ARG1: variants seen among roughly 807,000 people sequenced by gnomAD.
The protein encoded by ARG1 is arginase 1, also known as arginase-1.
Under a neutral mutation model 33.0 loss-of-function variants are expected in ARG1, and 20 were observed. The observed-to-expected ratio is 0.61, with a 90% confidence interval of 0.43 to 0.88. The LOEUF is 0.88. Ranked by LOEUF, ARG1 falls within the 40% of genes least tolerant of loss-of-function variation. The pLI is 0.00. For missense variants in ARG1, 374 were observed against 384.7 expected, an observed-to-expected ratio of 0.97 and a Z score of 0.23; for synonymous variants, 146 against 140.6, an observed-to-expected ratio of 1.04 and a Z score of -0.27.
intron 3 of ARG1, 104 bp downstream of exon 3, chr6:131,579,389 A>G (rs1773800412): frequency 7.6e-7 from 1 of 1,311,484 alleles, no homozygotes; most frequent in Non-Finnish European, 1.0e-6. Context: ...GCATTGACCT[A>G]TATTTTATAT....
chr6:131,574,316 G>T lies in ARG1; in HGVS notation c.57+977G>T, dbSNP rs372616951. 308 of 1,613,856 alleles carry T rather than the reference G, an allele frequency of 1.9e-4. No homozygotes were observed. The Middle Eastern group carries it at 3.5e-3, about 18-fold the overall frequency. On this transcript the variant is annotated intron_variant, in intron 1 of 7. Coordinates refer to ENST00000368087, the MANE Select transcript of ARG1 (RefSeq NM_000045.4). ...TTTTACTGCAAAACAAATTGAGAGAGGCCAGAGGTTAGAGGCCCAAACTGC... is the reference window on the plus strand; with the variant it reads ...TTTTACTGCAAAACAAATTGAGAGATGCCAGAGGTTAGAGGCCCAAACTGC...
chr6:131,583,793 C>T lies in ARG1; in HGVS notation c.854C>T (p.Thr285Ile). 6.2e-7 allele frequency: 1 copy of T among 1,614,078 alleles called. No individual in the cohort carries two copies. Among genetic ancestry groups the T allele is most frequent in the Non-Finnish European group, 8.5e-7 (1 of 1,179,982 alleles). ...IMEVNPSLGK[T>I]PEEVTRTVNT... is the part of the protein sequence containing the mutation. ...GAAGTGAACCCATCCCTGGGGAAGACACCAGAAGAAGTAACTCGAACAGTG... is the reference window on the plus strand; with the variant it reads ...GAAGTGAACCCATCCCTGGGGAAGATACCAGAAGAAGTAACTCGAACAGTG... Residue 285 changes from threonine to isoleucine, a missense_variant, in exon 8 of 8, where the codon ACA becomes ATA. Thr to Ile is a moderately conservative substitution (Grantham distance 89). Coordinates refer to ENST00000368087, the MANE Select transcript of ARG1 (RefSeq NM_000045.4).
At chr6:131,580,275 G>A (rs1483046196) in intron 3 of ARG1, among the ~76,000 whole-genome samples, 1 of 152,130 alleles carries the variant, frequency 6.6e-6, no homozygotes, top group African/African-American at 2.4e-5. Context: ...GGAAACTGAG[G>A]CTCGCTTTCT....
In ARG1 at chr6:131,576,370, G is replaced by A. The variant is rs73778020; in HGVS notation, c.58-293G>A. On this transcript the variant is annotated intron_variant, in intron 1 of 7. Coordinates refer to ENST00000368087, the MANE Select transcript of ARG1 (RefSeq NM_000045.4). Reference sequence around the variant, plus strand: ...ACATGGTTTGACGGGAAGAGGGGATGTAGGTTTTGGAATCCAAAGACCTGA... The same window carrying A: ...ACATGGTTTGACGGGAAGAGGGGATATAGGTTTTGGAATCCAAAGACCTGA... Among the ~76,000 whole-genome samples the A allele has an allele frequency of 7.1e-3, 1,080 of 152,324 alleles. 13 individuals carry two copies. The highest frequency in any genetic ancestry group is 0.025 in the African/African-American group (1,031 of 41,566).
Position 131,584,034 on chromosome 6 carries a change from A to T in ARG1, c.*126A>T. 3.8e-6 allele frequency: 4 copies of T among 1,056,714 alleles called. No individual in the cohort carries two copies. The highest frequency in any genetic ancestry group is 5.4e-6 in the Non-Finnish European group (4 of 742,322). 65.5% of individuals were successfully genotyped at this position (1,056,714 alleles called of 1,614,324 possible). ...AGAAAAATGTTTTTCCAATTAGTAT[A>T]AACTCTACAAATTCCCTCTTGGTGT... On this transcript the variant is annotated 3_prime_UTR_variant, in exon 8 of 8. Transcript: ENST00000368087.
intron 6 of ARG1, 59 bp downstream of exon 6, chr6:131,583,223 A>T: frequency 5.0e-6 from 8 of 1,599,150 alleles, no homozygotes; most frequent in Non-Finnish European, 6.9e-6. Context: ...GCTACTGACA[A>T]CCAAAGTTAT....
rs778360659 is a variant in ARG1, at chr6:131,583,822, A to G, written c.883A>G (p.Thr295Ala). 2 of 1,614,176 alleles carry G rather than the reference A, an allele frequency of 1.2e-6. No homozygotes were observed. The highest frequency in any genetic ancestry group is 2.2e-5 in the East Asian group (1 of 44,864). Reference sequence around the variant, plus strand: ...AGAAGAAGTAACTCGAACAGTGAACACAGCAGTTGCAATAACCTTGGCTTG... The same window carrying G: ...AGAAGAAGTAACTCGAACAGTGAACGCAGCAGTTGCAATAACCTTGGCTTG... ...TPEEVTRTVN[T>A]AVAITLACFG... The change falls in exon 8 of 8, where the codon ACA becomes GCA. Residue 295 changes from threonine (T) to alanine (A), a missense_variant. Physicochemically the swap from Thr to Ala is moderately conservative, Grantham distance 58 (BLOSUM62 0). Coordinates refer to ENST00000368087, the MANE Select transcript of ARG1 (RefSeq NM_000045.4).
rs760628925 is a variant in ARG1, at chr6:131,583,867, G to T, written c.928G>T (p.Gly310Cys). Reference sequence around the variant, plus strand: ...GGCTTGTTTCGGACTTGCTCGGGAGGGTAATCACAAGCCTATTGACTACCT... The same window carrying T: ...GGCTTGTTTCGGACTTGCTCGGGAGTGTAATCACAAGCCTATTGACTACCT... ...TLACFGLARE[G>C]NHKPIDYLNP... Residue 310 changes from glycine (G) to cysteine (C), a missense_variant, in exon 8 of 8, where the codon GGT becomes TGT. Coordinates refer to ENST00000368087, the MANE Select transcript of ARG1 (RefSeq NM_000045.4). 3.5e-5 allele frequency: 56 copies of T among 1,613,968 alleles called. No individual in the cohort carries two copies. In the South Asian group the frequency reaches 5.4e-4, roughly 16 times the overall value.
At chr6:131,576,144 G>C (rs1454011366) in intron 1 of ARG1, among the ~76,000 whole-genome samples, 9 of 152,138 alleles carry the variant, frequency 5.9e-5, no homozygotes, top group Non-Finnish European at 8.8e-5. Context: ...GACACACCCT[G>C]TCCCCAACAG....
In ARG1 at chr6:131,574,346, G is replaced by A. The variant is rs377253372; in HGVS notation, c.57+1007G>A. ...GAGGTTAGAGGCCCAAACTGCATTT[G>A]GACTGTCAGTAAATACTACTTTGCT... On this transcript the variant is annotated intron_variant, in intron 1 of 7. Coordinates refer to ENST00000368087, the MANE Select transcript of ARG1 (RefSeq NM_000045.4). The A allele has an allele frequency of 4.3e-6, 7 of 1,609,752 alleles. No homozygotes were observed. In the African/African-American group the frequency reaches 9.4e-5, roughly 22 times the overall value.
At position 131,583,862 on chromosome 6, in the gene ARG1, G is replaced by A. The variant is rs377280518; in HGVS notation, c.923G>A (p.Arg308Gln). The change falls in exon 8 of 8, where the codon CGG (arginine) becomes CAG (glutamine). Residue 308 changes from arginine to glutamine, a missense_variant. Arg to Gln is a conservative substitution (Grantham distance 43). Coordinates refer to ENST00000368087, the MANE Select transcript of ARG1 (RefSeq NM_000045.4). ...ACCTTGGCTTGTTTCGGACTTGCTC[G>A]GGAGGGTAATCACAAGCCTATTGAC... ...AITLACFGLA[R>Q]EGNHKPIDYL... The A allele has an allele frequency of 8.7e-6, 14 of 1,613,980 alleles. No homozygotes were observed. The highest frequency in any genetic ancestry group is 8.0e-5 in the African/African-American group (6 of 74,916).
At position 131,583,358 on chromosome 6, in the gene ARG1, GA is replaced by G. The variant is rs1464239857; in HGVS notation, c.673del (p.Arg225GlyfsTer5). On this transcript the variant is annotated frameshift_variant, in exon 7 of 8. Transcript: ENST00000368087. LOFTEE classifies it high-confidence loss of function. The stretch of plus-strand genomic sequence containing the variant: ...ATCCTTTCCCACTTCTTAAAAGAAA[GA>G]AAAGGCCAATTCATCTAAGTTTTGA... ...ETLSYLLGRK[K>X]RPIHLSFDVD... 1 of 1,614,120 alleles carries G rather than the reference GA, an allele frequency of 6.2e-7. No individual in the cohort carries two copies. Among genetic ancestry groups the G allele is most frequent in the East Asian group, 2.2e-5 (1 of 44,874 alleles).
intron 3 of ARG1, among the ~76,000 whole-genome samples, chr6:131,579,901 C>G (rs962988889): frequency 6.6e-6 from 1 of 151,992 alleles, no homozygotes; most frequent in Non-Finnish European, 1.5e-5. Flanking sequence ...TGTGTTCTCA[C>G]TCTACAGTGC....
At chr6:131,583,206 A>AAAGGTTGCTACT in intron 6 of ARG1, 42 bp downstream of exon 6, 2 of 1,598,932 alleles carry the variant, frequency 1.3e-6, no homozygotes, top group Non-Finnish European at 1.7e-6. Flanking sequence ...GTGCAACAGA[A>AAAGGTTGCTACT]AAGGTTGCTA....
At position 131,584,163 on chromosome 6, in the gene ARG1, C is replaced by T. The variant is rs918425492; in HGVS notation, c.*255C>T. ...TAGAAAGAGAAGTGTACATTGATTT[C>T]CAATTAAAAATTTGCTGGCATTAAA... On this transcript the variant is annotated 3_prime_UTR_variant, in exon 8 of 8. Transcript: ENST00000368087. The T allele has an allele frequency of 6.6e-6, 3 of 456,440 alleles. No individual in the cohort carries two copies. Among genetic ancestry groups the T allele is most frequent in the Non-Finnish European group, 1.2e-5 (3 of 256,814 alleles). 28.3% of individuals were successfully genotyped at this position (456,440 alleles called of 1,614,324 possible).
chr6:131,579,480 A>G, intron 3 of ARG1, 195 bp downstream of exon 3: 1 of 545,056 alleles, frequency 1.8e-6, no homozygotes, highest in Non-Finnish European at 3.2e-6. Context: ...GTCTTACAAT[A>G]TCTGTATTTT....
Position 131,583,049 on chromosome 6 carries a change from C to A in ARG1, c.561-11C>A, listed in dbSNP as rs1196070839. ...TTATTAATTATAATTATCTTAATTT[C>A]TCTTTTATAGCTACATTTTGAAAAC... On this transcript the variant is annotated splice_polypyrimidine_tract_variant and intron_variant, in intron 5 of 7. Coordinates refer to ENST00000368087, the MANE Select transcript of ARG1 (RefSeq NM_000045.4). 1 of 1,588,462 alleles carries A rather than the reference C, an allele frequency of 6.3e-7. No individual in the cohort carries two copies.
At position 131,580,645 on chromosome 6, in the gene ARG1, T is replaced by C. The variant is rs565662481; in HGVS notation, c.306-574T>C. Among the ~76,000 whole-genome samples the C allele has an allele frequency of 2.6e-5, 4 of 152,306 alleles. No homozygotes were observed. In the South Asian group the frequency reaches 8.3e-4, roughly 32 times the overall value. On this transcript the variant is annotated intron_variant, in intron 3 of 7. Transcript: ENST00000368087. ...TATTTGGGATGAACTTTGTTCCTGG[T>C]TGAGTGGGTAACTAGATGCATTGAA... is the stretch of plus-strand genomic sequence containing the variant.
chr6:131,573,376 TAGTTG>T (rs781171804), intron 1 of ARG1, 37 bp downstream of exon 1: 1 of 1,610,020 alleles, frequency 6.2e-7, no homozygotes, highest in African/African-American at 1.3e-5. Flanking sequence ...TCCTGGAATT[TAGTTG>T]AAAATTTTGG....
Sources: allele counts gnomAD v4.1 joint callset (sites outside exome capture counted in the v4.1 genomes callset), GRCh38; gene constraint gnomAD v4.1.1; transcripts MANE v1.5; gene names NCBI Gene and HGNC (gene_info 2026-07-23, HGNC 2026-07-21).